Variants in DLGAP1 observed in about 807,000 individuals in gnomAD.
The protein encoded by DLGAP1 is disks large-associated protein 1.
Under a neutral mutation model 90.8 loss-of-function variants are expected in DLGAP1, and 11 were observed. The observed-to-expected ratio is 0.12, with a 90% CI of 0.08 to 0.20. The LOEUF (loss-of-function observed/expected upper bound fraction) is 0.20, where lower values mean the gene tolerates loss of function less well. Among genes scored for constraint, DLGAP1 ranks in the 10% least tolerant of loss-of-function variants. DLGAP1 has a pLI of 1.00. For missense variants in DLGAP1, 1,050 were observed against 1,333.8 expected (o/e 0.79, Z 3.31); for synonymous variants, 558 against 540.7 (o/e 1.03, Z -0.44).
intron 2 of DLGAP1, among the ~76,000 whole-genome samples, chr18:4,067,346 A>C (rs1037256123): frequency 6.6e-6 from 1 of 151,962 alleles, no homozygotes; most frequent in African/African-American, 2.4e-5. Flanking sequence ...AAAAGAAAGA[A>C]AGGAAGGGAG....
chr18:4,184,528 A>G (rs1461385832), intron 1 of DLGAP1, among the ~76,000 whole-genome samples: 3 of 152,054 alleles, frequency 2.0e-5, no homozygotes, highest in Non-Finnish European at 4.4e-5. Context: ...TATTCAATAA[A>G]TCGGTATCGT....
At chr18:3,532,971 CA>C (rs2052107710) in intron 10 of DLGAP1, among the ~76,000 whole-genome samples, 1 of 151,754 alleles carries the variant, frequency 6.6e-6, no homozygotes, top group Non-Finnish European at 1.5e-5. Context: ...TTTTCTTTTT[CA>C]AATGTTAAAA....
intron 4 of DLGAP1, among the ~76,000 whole-genome samples, chr18:3,834,261 G>A (rs369434885): frequency 7.1e-6 from 1 of 140,844 alleles, no homozygotes; most frequent in Non-Finnish European, 1.5e-5. Flanking sequence ...AGCCGAGATC[G>A]CGCCACTGCA....
intron 1 of DLGAP1, among the ~76,000 whole-genome samples, chr18:4,222,376 G>A (rs1218682450): frequency 6.6e-6 from 1 of 151,966 alleles, no homozygotes; most frequent in African/African-American, 2.4e-5. Context: ...GCCCATTTTT[G>A]AATCTTGGAG....
chr18:3,571,676 T>A lies in DLGAP1; in HGVS notation c.1966-4095A>T, dbSNP rs2054796159. Among the ~76,000 whole-genome samples the A allele has an allele frequency of 2.0e-5, 3 of 151,698 alleles. No individual in the cohort carries two copies. In the South Asian group the frequency reaches 6.4e-4, roughly 32 times the overall value. On this transcript the variant is annotated intron_variant, in intron 8 of 12. Transcript: ENST00000315677. Reference sequence around the variant, plus strand: ...CTGAATAGCTGTGACTGCAGGCGCGTCCACCATGCCCGGCTAATTTTTGTA... The same window carrying A: ...CTGAATAGCTGTGACTGCAGGCGCGACCACCATGCCCGGCTAATTTTTGTA...
At chr18:3,525,309 G>A (rs1165284564) in intron 10 of DLGAP1, among the ~76,000 whole-genome samples, 1 of 151,982 alleles carries the variant, frequency 6.6e-6, no homozygotes, top group Non-Finnish European at 1.5e-5. Context: ...TTTGAAAGTT[G>A]GATGAAATGA....
At chr18:4,034,801 A>G (rs960132522) in intron 2 of DLGAP1, among the ~76,000 whole-genome samples, 9 of 152,142 alleles carry the variant, frequency 5.9e-5, no homozygotes, top group African/African-American at 1.9e-4. Context: ...AAACAAATAT[A>G]TTACAAGTGT....
intron 7 of DLGAP1, among the ~76,000 whole-genome samples, chr18:3,700,333 T>TCCTCACAGCACAGTC (rs1251520708): frequency 6.6e-6 from 1 of 152,184 alleles, no homozygotes; most frequent in Non-Finnish European, 1.5e-5. Context: ...AACGCACTGT[T>TCCTCACAGCACAGTC]CCTCACAGCA....
chr18:4,324,247 C>T (rs898191579), intron 1 of DLGAP1, among the ~76,000 whole-genome samples: 1 of 151,166 alleles, frequency 6.6e-6, no homozygotes, highest in African/African-American at 2.4e-5. Flanking sequence ...GCTTTATGCA[C>T]AGCAACTAGA....
intron 5 of DLGAP1, among the ~76,000 whole-genome samples, chr18:3,790,072 C>A (rs1329243751): frequency 1.3e-5 from 2 of 151,932 alleles, no homozygotes. Context: ...TGAGGAGATG[C>A]CTATTAGCCC....
At chr18:4,140,159 G>C (rs1303272330) in intron 2 of DLGAP1, among the ~76,000 whole-genome samples, 2 of 151,786 alleles carry the variant, frequency 1.3e-5, no homozygotes, top group Non-Finnish European at 1.5e-5. Flanking sequence ...TGTGTTCTGG[G>C]TGTTTTGTGA....
intron 1 of DLGAP1, among the ~76,000 whole-genome samples, chr18:4,298,925 C>CA: frequency 6.6e-6 from 1 of 151,676 alleles, no homozygotes; most frequent in East Asian, 2.0e-4. Flanking sequence ...ACTAAAAATA[C>CA]AAAAAATTAG....
At chr18:3,897,834 CCGGACTG>C (rs1218255945) in intron 3 of DLGAP1, among the ~76,000 whole-genome samples, 4 of 137,230 alleles carry the variant, frequency 2.9e-5, no homozygotes, top group African/African-American at 8.4e-5. Flanking sequence ...GTCGCCCAGG[CCGGACTG>C]CGGACTGCAG....
chr18:3,702,241 T>C (rs1598399197), intron 7 of DLGAP1, among the ~76,000 whole-genome samples: 1 of 152,026 alleles, frequency 6.6e-6, no homozygotes, highest in Admixed American at 6.5e-5. Flanking sequence ...GTTGGCTAGG[T>C]TGGTCTCGAA....
At chr18:3,648,485 T>C (rs1567895506) in intron 7 of DLGAP1, among the ~76,000 whole-genome samples, 1 of 152,226 alleles carries the variant, frequency 6.6e-6, no homozygotes, top group Non-Finnish European at 1.5e-5. Flanking sequence ...ATCAAGTGAT[T>C]TCAGCAGTTG....
At chr18:3,561,297 G>T (rs1430475796) in intron 9 of DLGAP1, among the ~76,000 whole-genome samples, 1 of 146,178 alleles carries the variant, frequency 6.8e-6, no homozygotes, top group Admixed American at 6.8e-5. Flanking sequence ...AAAATAGCCA[G>T]ATGTGGCAGG....
chr18:4,296,622 G>C (rs2079988542), intron 1 of DLGAP1, among the ~76,000 whole-genome samples: 1 of 152,176 alleles, frequency 6.6e-6, no homozygotes, highest in Non-Finnish European at 1.5e-5. Flanking sequence ...CAGATTGGCT[G>C]TCTTGATTAA....
chr18:4,227,664 A>T (rs944953139), intron 1 of DLGAP1, among the ~76,000 whole-genome samples: 2 of 151,854 alleles, frequency 1.3e-5, no homozygotes, highest in African/African-American at 2.4e-5. Context: ...TAATGGAAAC[A>T]CAATATACAA....
chr18:3,868,897 A>G (rs904886701), intron 4 of DLGAP1, among the ~76,000 whole-genome samples: 1 of 152,188 alleles, frequency 6.6e-6, no homozygotes, highest in Non-Finnish European at 1.5e-5. Flanking sequence ...ACGAGCAAAG[A>G]AGAGTGATGG....
Sources: gnomAD v4.1 joint callset for allele counts (sites outside exome capture counted in the v4.1 genomes callset) on GRCh38, gnomAD v4.1.1 for gene constraint, MANE v1.5 for transcripts, NCBI Gene and HGNC (gene_info 2026-07-23, HGNC 2026-07-21) for gene names.